Variants in SSC5D observed in about 807,000 individuals in gnomAD.
The protein encoded by SSC5D is soluble scavenger receptor cysteine-rich domain-containing protein SSC5D.
SSC5D carries 106 observed loss-of-function variants against 104.6 expected under a neutral mutation model. That is an observed-to-expected ratio of 1.01 (90% confidence interval 0.87 to 1.19). The LOEUF (loss-of-function observed/expected upper bound fraction) is 1.19. SSC5D is among the 50% of genes most tolerant of loss of function. The pLI is 0.00. For synonymous variants in SSC5D, 860 were observed against 883.5 expected, an observed-to-expected ratio of 0.97 and a Z score of 0.47; for missense variants, 1,993 against 2,153.8, an observed-to-expected ratio of 0.93 and a Z score of 1.48.
At chr19:55,493,952 T>C (rs1318443295) in intron 7 of SSC5D, 40 bp downstream of exon 7, 2 of 756,480 alleles carry the variant, frequency 2.6e-6, no homozygotes, top group South Asian at 2.5e-5. Context: ...GTGGGCGTGG[T>C]GGTGCTTGGA....
rs1012971640 is a variant in SSC5D, at chr19:55,489,879, C to G, written c.362-3C>G. 5.8e-6 allele frequency: 9 copies of G among 1,548,170 alleles called. No individual in the cohort carries two copies. In the African/African-American group the frequency reaches 1.1e-4, roughly 19 times the overall value. On this transcript the variant is annotated splice_region_variant and splice_polypyrimidine_tract_variant and intron_variant, in intron 3 of 13. Coordinates refer to ENST00000389623, the MANE Select transcript of SSC5D (RefSeq NM_001144950.2). ...AGCTTCTGTCCCTGCCCCCCCGCCGCAGGTCAGCGTGTGGCTAACTCCAGG... is the reference window on the plus strand; with the variant it reads ...AGCTTCTGTCCCTGCCCCCCCGCCGGAGGTCAGCGTGTGGCTAACTCCAGG...
At position 55,500,837 on chromosome 19, in the gene SSC5D, C is replaced by G; in HGVS notation, c.2617+33C>G. 7.6e-7 allele frequency: 1 copy of G among 1,311,948 alleles called. No homozygotes were observed. 81.3% of individuals were successfully genotyped at this position (1,311,948 alleles called of 1,614,324 possible). ...GGCATGGCGGCGGTGGTGGGGTTGT[C>G]GGGGGTGGCCAGGAGAATGGAGTCA... On this transcript the variant is annotated intron_variant, in intron 11 of 13. Transcript: ENST00000389623. The surrounding 1 kb of genome is among the most constrained non-coding windows in gnomAD (Gnocchi z 4.6).
chr19:55,496,404 AT>A (rs1987326816), intron 8 of SSC5D, among the ~76,000 whole-genome samples: 2 of 152,230 alleles, frequency 1.3e-5, no homozygotes, highest in Admixed American at 6.5e-5. Flanking sequence ...TCTCCTCAAG[AT>A]GGGAAAAGGC....
chr19:55,518,348 G>A lies in SSC5D; in HGVS notation c.4072G>A (p.Val1358Ile). Residue 1358 changes from valine (V) to isoleucine (I), a missense_variant, in exon 14 of 14, where the codon GTC becomes ATC. By Grantham distance (29) the Val-to-Ile change is conservative. This residue lies in a region of SSC5D where 349 missense variants were observed against 397.6 expected (regional missense o/e 0.88). Transcript: ENST00000389623. ...ELSSPTLAPT[V>I]KPSLHPQLTF... ...CTCCTCTCCCACTCTAGCACCAACA[G>A]TCAAGCCCAGTCTGCACCCCCAGTT... 1 of 1,550,886 alleles carries A rather than the reference G, an allele frequency of 6.4e-7. No individual in the cohort carries two copies. Among genetic ancestry groups the A allele is most frequent in the Non-Finnish European group, 8.7e-7 (1 of 1,146,842 alleles).
At position 55,489,674 on chromosome 19, in the gene SSC5D, C is replaced by A; in HGVS notation, c.361+12C>A. On this transcript the variant is annotated intron_variant, in intron 3 of 13. Coordinates refer to ENST00000389623, the MANE Select transcript of SSC5D (RefSeq NM_001144950.2). ...CGTCGTCTGCGCAGGTGAGGACACC[C>A]TGGCTGCTCCTTCAGGGGGAGCTCC... is the stretch of plus-strand genomic sequence containing the variant. 1 of 1,528,508 alleles carries A rather than the reference C, an allele frequency of 6.5e-7. No homozygotes were observed. Among genetic ancestry groups the A allele is most frequent in the Non-Finnish European group, 8.8e-7 (1 of 1,141,826 alleles). The allele number at this position is 1,528,508 out of a possible 1,614,324, so 94.7% of individuals were successfully genotyped here.
chr19:55,516,474 G>A (rs1440270624), intron 13 of SSC5D, among the ~76,000 whole-genome samples: 1 of 151,444 alleles, frequency 6.6e-6, no homozygotes, highest in Non-Finnish European at 1.5e-5. Context: ...TCCAGCCTGG[G>A]CGACAGAGCG....
intron 12 of SSC5D, among the ~76,000 whole-genome samples, chr19:55,510,719 A>G (rs1987739509): frequency 6.6e-6 from 1 of 150,958 alleles, no homozygotes; most frequent in South Asian, 2.1e-4. Context: ...TTCTTTTTTA[A>G]TTAATAGTAC....
At position 55,497,979 on chromosome 19, in the gene SSC5D, G is replaced by A; in HGVS notation, c.1487G>A (p.Trp496Ter). ...QRWGTVCDDS[W>*]DMRDSAVVCR... ...TGGGGGACCGTGTGTGACGATAGCT[G>A]GGACATGCGGGATTCAGCTGTGGTC... The change falls in exon 9 of 14, where the codon TGG becomes TAG. Residue 496 changes from tryptophan (W) to a stop codon, truncating the protein, a stop_gained. Transcript: ENST00000389623. LOFTEE classifies it high-confidence loss of function. 1.9e-6 allele frequency: 3 copies of A among 1,551,826 alleles called. No individual in the cohort carries two copies. The highest frequency in any genetic ancestry group is 2.6e-6 in the Non-Finnish European group (3 of 1,147,014).
chr19:55,491,274 G>C, intron 6 of SSC5D, 194 bp downstream of exon 6: 1 of 660,972 alleles, frequency 1.5e-6, no homozygotes, highest in Non-Finnish European at 2.5e-6. Flanking sequence ...GCCAGGAATG[G>C]GAGGAGCAGG....
In SSC5D at chr19:55,519,088, G is replaced by A; in HGVS notation, c.*90G>A. 1 of 1,344,596 alleles carries A rather than the reference G, an allele frequency of 7.4e-7. No individual in the cohort carries two copies. Among genetic ancestry groups the A allele is most frequent in the South Asian group, 1.4e-5 (1 of 71,958 alleles). The allele number at this position is 1,344,596 out of a possible 1,614,324, so 83.3% of individuals were successfully genotyped here. A position where few individuals can be genotyped will look rare whatever the true frequency, so the allele number is the denominator to read the frequency against. ...CCCAAAGTATCTAATTAAAAACAAG[G>A]TGTGAATGGTATTTTTGGGGAATCC... On this transcript the variant is annotated 3_prime_UTR_variant, in exon 14 of 14. Transcript: ENST00000389623.
intron 12 of SSC5D, among the ~76,000 whole-genome samples, chr19:55,504,966 C>T (rs907125781): frequency 6.6e-6 from 1 of 152,134 alleles, no homozygotes; most frequent in Non-Finnish European, 1.5e-5. Context: ...AGAAGTTTAA[C>T]TTAGGAGCCA....
intron 12 of SSC5D, among the ~76,000 whole-genome samples, chr19:55,509,023 G>A (rs1987697649): frequency 6.6e-6 from 1 of 152,164 alleles, no homozygotes. Flanking sequence ...ATAAAGGCTT[G>A]CCAGGGAAGG....
In SSC5D at chr19:55,489,635, G is replaced by A. The variant is rs1257238887; in HGVS notation, c.334G>A (p.Glu112Lys). The change falls in exon 3 of 14, where the codon GAG becomes AAG. Residue 112 changes from glutamate (E) to lysine (K), a missense_variant. Around this residue, in one of 6 missense-constraint regions of SSC5D, gnomAD observed 1,101 missense variants for 1,085.0 expected, o/e 1.01. Transcript: ENST00000389623. ...RGWKAHICSH[E>K]EDAGVVCAGQ... The stretch of plus-strand genomic sequence containing the variant: ...CTGGAAGGCCCACATCTGCTCCCAC[G>A]AGGAGGACGCGGGCGTCGTCTGCGC... The A allele has an allele frequency of 7.2e-6, 11 of 1,533,310 alleles. No individual in the cohort carries two copies. Among genetic ancestry groups the A allele is most frequent in the South Asian group, 1.2e-5 (1 of 83,778 alleles). 95.0% of individuals were successfully genotyped at this position (1,533,310 alleles called of 1,614,324 possible).
At position 55,503,764 on chromosome 19, in the gene SSC5D, G is replaced by A. The variant is rs1292632635; in HGVS notation, c.2785+2563G>A. 2.0e-5 allele frequency among the ~76,000 whole-genome samples: 3 copies of A among 152,168 alleles called. No homozygotes were observed. Among genetic ancestry groups the A allele is most frequent in the African/African-American group, 4.8e-5 (2 of 41,432 alleles). ...GCCCCGTACCTGTGCCCTCCTGAGA[G>A]GCCCAAGCCTCCCGCTCCCGCAGGA... is the stretch of plus-strand genomic sequence containing the variant. On this transcript the variant is annotated intron_variant, in intron 12 of 13. Transcript: ENST00000389623. The surrounding 1 kb of genome is among the most constrained non-coding windows in gnomAD (Gnocchi z 4.0).
At position 55,491,090 on chromosome 19, in the gene SSC5D, G is replaced by T. The variant is rs539463738; in HGVS notation, c.895+10G>T. 1.5e-4 allele frequency: 236 copies of T among 1,544,264 alleles called. No homozygotes were observed. Among genetic ancestry groups the T allele is most frequent in the Non-Finnish European group, 2.0e-4 (227 of 1,144,096 alleles). ...GGGCTGGTCTGCACCGGTACGTCGG[G>T]CTGGGGCCTGGCCCCCTCCTGTCTT... On this transcript the variant is annotated intron_variant, in intron 6 of 13. Transcript: ENST00000389623.
At chr19:55,497,099 C>G (rs1182501143) in intron 8 of SSC5D, among the ~76,000 whole-genome samples, 1 of 152,232 alleles carries the variant, frequency 6.6e-6, no homozygotes, top group East Asian at 1.9e-4. Flanking sequence ...CTCTGAGAAG[C>G]CTTCTCCAGC....
At position 55,497,971 on chromosome 19, in the gene SSC5D, C is replaced by T. The variant is rs1415784166; in HGVS notation, c.1479C>T (p.Asp493=). Residue 493 remains aspartate (D), a synonymous_variant, in exon 9 of 14, where the codon GAC becomes GAT. Transcript: ENST00000389623. The part of the protein sequence containing the change: ...WHDQRWGTVC[D]DSWDMRDSAV... ...ACCAGCGCTGGGGGACCGTGTGTGA[C>T]GATAGCTGGGACATGCGGGATTCAG... 25 of 1,551,680 alleles carry T rather than the reference C, an allele frequency of 1.6e-5. No homozygotes were observed. The highest frequency in any genetic ancestry group is 1.2e-4 in the East Asian group (5 of 40,928).
At position 55,489,290 on chromosome 19, in the gene SSC5D, T is replaced by A. The variant is rs946098253; in HGVS notation, c.53-64T>A. ...GCAGGACAGCCACCTGCCCCTACAGTTGCCCTGGCCTTGGGGCCCCCAGGA... is the reference window on the plus strand; with the variant it reads ...GCAGGACAGCCACCTGCCCCTACAGATGCCCTGGCCTTGGGGCCCCCAGGA... On this transcript the variant is annotated intron_variant, in intron 2 of 13. Coordinates refer to ENST00000389623, the MANE Select transcript of SSC5D (RefSeq NM_001144950.2). The A allele has an allele frequency of 6.4e-4, 894 of 1,405,532 alleles. 1 individual carries two copies. Among genetic ancestry groups the A allele is most frequent in the Non-Finnish European group, 7.8e-4 (847 of 1,083,290 alleles). 87.1% of individuals were successfully genotyped at this position (1,405,532 alleles called of 1,614,324 possible).
intron 7 of SSC5D, among the ~76,000 whole-genome samples, chr19:55,494,249 C>A (rs1280581868): frequency 6.6e-6 from 1 of 152,234 alleles, no homozygotes; most frequent in South Asian, 2.1e-4. Context: ...GAGAACAGTC[C>A]AGCCCCAAAT....
Sources: allele counts gnomAD v4.1 joint callset (sites outside exome capture counted in the v4.1 genomes callset), GRCh38; gene constraint gnomAD v4.1.1; regional missense constraint gnomAD v4.1.1; non-coding constraint Gnocchi (gnomAD v3.1); transcripts MANE v1.5; gene names NCBI Gene and HGNC (gene_info 2026-07-23, HGNC 2026-07-21).